MBD5: variants seen among roughly 807,000 people sequenced by gnomAD.
MBD5 encodes the protein methyl-CpG binding domain protein 5, also known as methyl-CpG-binding domain protein 5.
In MBD5, 13 loss-of-function variants were observed where a neutral mutation model predicts 117.3. The ratio of observed to expected loss-of-function variants is 0.11; its 90% CI spans 0.07 to 0.18. The LOEUF is 0.18. MBD5 is among the 10% of genes least tolerant of loss of function. The pLI, the probability that MBD5 is intolerant of heterozygous loss-of-function variation, is 1.00. For missense variants in MBD5, 1,879 were observed against 2,093.8 expected (o/e 0.90, Z 2.00); for synonymous variants, 727 against 766.4 (o/e 0.95, Z 0.85).
At chr2:148,087,874 GA>G (rs750713250) in intron 1 of MBD5, among the ~76,000 whole-genome samples, 13 of 152,134 alleles carry the variant, frequency 8.5e-5, no homozygotes, top group Non-Finnish European at 1.9e-4. Context: ...AGAAATCTCT[GA>G]ATTGCCAGAT....
chr2:148,454,327 G>A lies in MBD5; in HGVS notation c.-556-3876G>A, dbSNP rs2105505250. Among the ~76,000 whole-genome samples, 2 of 152,180 alleles carry A rather than the reference G, an allele frequency of 1.3e-5. 1 individual carries two copies. The highest frequency in any genetic ancestry group is 4.8e-5 in the African/African-American group (2 of 41,536). The stretch of plus-strand genomic sequence containing the variant: ...CATTAACATGATTGATATACCAATA[G>A]ATGAATAGTTGTATAATCATATGAT... On this transcript the variant is annotated intron_variant, in intron 4 of 13. Transcript: ENST00000642680.
At chr2:148,060,053 A>G (rs1694984257) in intron 1 of MBD5, among the ~76,000 whole-genome samples, 1 of 144,928 alleles carries the variant, frequency 6.9e-6, no homozygotes, top group Admixed American at 7.2e-5. Context: ...TAGGAGGCCG[A>G]AGCAGGTGGA....
chr2:148,203,619 C>T (rs1242615725), intron 2 of MBD5, among the ~76,000 whole-genome samples: 1 of 152,128 alleles, frequency 6.6e-6, no homozygotes, highest in African/African-American at 2.4e-5. Flanking sequence ...ATTATTGTTG[C>T]AATTTTGCAA....
chr2:148,023,790 T>A (rs1031380710), intron 1 of MBD5, among the ~76,000 whole-genome samples: 1 of 152,136 alleles, frequency 6.6e-6, no homozygotes, highest in African/African-American at 2.4e-5. Context: ...AACATTTTTT[T>A]ATCACACCCC....
At chr2:148,430,820 A>G (rs1428382735) in intron 4 of MBD5, among the ~76,000 whole-genome samples, 3 of 152,114 alleles carry the variant, frequency 2.0e-5, no homozygotes, top group Non-Finnish European at 4.4e-5. Flanking sequence ...CTCACTCACA[A>G]ACAATTAAGT....
intron 12 of MBD5, among the ~76,000 whole-genome samples, chr2:148,507,952 A>G (rs1460391563): frequency 7.2e-5 from 11 of 152,222 alleles, no homozygotes; most frequent in African/African-American, 2.7e-4. Context: ...ATCAAAATTT[A>G]TAATAAATAA....
intron 5 of MBD5, among the ~76,000 whole-genome samples, chr2:148,459,906 C>G (rs545133991): frequency 9.9e-5 from 15 of 152,160 alleles, no homozygotes; most frequent in African/African-American, 3.1e-4. Context: ...AATTTTACTT[C>G]TATAATATTA....
chr2:148,197,684 A>G (rs1212778873), intron 2 of MBD5, among the ~76,000 whole-genome samples: 1 of 151,606 alleles, frequency 6.6e-6, no homozygotes, highest in Non-Finnish European at 1.5e-5. Context: ...TTGAACATTT[A>G]GGTTACTTAT....
Position 148,469,723 on chromosome 2 carries a change from C to G in MBD5, c.1780C>G (p.Leu594Val), listed in dbSNP as rs749813763. Residue 594 changes from leucine (L) to valine (V), a missense_variant, in exon 8 of 14, where the codon CTT becomes GTT. This residue lies in a region of MBD5 where 1,666 missense variants were observed against 1,792.2 expected (regional missense o/e 0.93). Transcript: ENST00000642680. ...AGCACAGCTAGCAAATCAAAACAAA[C>G]TTGCTGGTAACAACAGTAGCAGCAG... ...AKAQLANQNK[L>V]AGNNSSSSSN... 10 of 1,613,950 alleles carry G rather than the reference C, an allele frequency of 6.2e-6. No individual in the cohort carries two copies. The East Asian group carries it at 2.0e-4, about 32-fold the overall frequency.
At chr2:148,486,321 T>A (rs760838827) in intron 10 of MBD5, among the ~76,000 whole-genome samples, 3 of 152,200 alleles carry the variant, frequency 2.0e-5, no homozygotes, top group Non-Finnish European at 4.4e-5. Context: ...CACATGGTAT[T>A]TCTTTAGTTC....
chr2:148,485,932 T>C lies in MBD5; in HGVS notation c.3735T>C (p.Cys1245=). Residue 1245 remains cysteine, a synonymous_variant, in exon 10 of 14, where the codon TGT becomes TGC. Transcript: ENST00000642680. ...CAGCTAACAATAACCCCATGGCTTGTCTGTTTCAGAACTTTCAGGTACTCT... is the reference window on the plus strand; with the variant it reads ...CAGCTAACAATAACCCCATGGCTTGCCTGTTTCAGAACTTTCAGGTACTCT... ...PCPANNNPMA[C]LFQNFQVRMQ... 6.2e-7 allele frequency: 1 copy of C among 1,614,088 alleles called. No homozygotes were observed. Among genetic ancestry groups the C allele is most frequent in the Admixed American group, 1.7e-5 (1 of 60,022 alleles).
rs1429556716 is a variant in MBD5, at chr2:148,458,445, C to G, written c.-314C>G. ...CTAAAAACTTTACACTCCCCACCCC[C>G]ACTTCAGACAGGTACCAGCATTGGT... On this transcript the variant is annotated 5_prime_UTR_variant, in exon 5 of 14. Coordinates refer to ENST00000642680, the MANE Select transcript of MBD5 (RefSeq NM_001378120.1). The G allele has an allele frequency of 1.2e-5, 7 of 562,854 alleles. No homozygotes were observed. Among genetic ancestry groups the G allele is most frequent in the African/African-American group, 7.5e-5 (4 of 53,420 alleles). The allele number at this position is 562,854 out of a possible 1,614,324, so 34.9% of individuals were successfully genotyped here. A position where few individuals can be genotyped will look rare whatever the true frequency, so the allele number is the denominator to read the frequency against.
chr2:148,459,581 A>G (rs1389586630), intron 5 of MBD5, among the ~76,000 whole-genome samples: 2 of 152,198 alleles, frequency 1.3e-5, no homozygotes, highest in Non-Finnish European at 2.9e-5. Context: ...AGAAGATACC[A>G]TAAATCTTTC....
intron 1 of MBD5, among the ~76,000 whole-genome samples, chr2:148,033,945 C>A (rs1694114458): frequency 6.6e-6 from 1 of 152,170 alleles, no homozygotes; most frequent in Non-Finnish European, 1.5e-5. Flanking sequence ...ATCTAGCAGG[C>A]TACTTTTAAT....
intron 8 of MBD5, among the ~76,000 whole-genome samples, chr2:148,478,233 CAT>C (rs1241817760): frequency 6.6e-6 from 1 of 152,212 alleles, no homozygotes; most frequent in Non-Finnish European, 1.5e-5. Flanking sequence ...CATGTACACA[CAT>C]ATGCATATAC....
At chr2:148,425,294 A>T (rs1341910982) in intron 4 of MBD5, among the ~76,000 whole-genome samples, 1 of 152,174 alleles carries the variant, frequency 6.6e-6, no homozygotes. Context: ...AGAAGAAATG[A>T]ATAAATTCCT....
In MBD5 at chr2:148,114,728, A is replaced by G. The variant is rs139858595; in HGVS notation, c.-924-63972A>G. 5.9e-5 allele frequency among the ~76,000 whole-genome samples: 9 copies of G among 152,342 alleles called. No individual in the cohort carries two copies. In the East Asian group the frequency reaches 1.5e-3, roughly 26 times the overall value. On this transcript the variant is annotated intron_variant, in intron 1 of 13. Transcript: ENST00000642680. ...AAATAACATATTAGGAATTACCAGT[A>G]TAAACTGAAAGGAATACTTATGTAA...
At chr2:148,228,730 A>T (rs527720012) in intron 2 of MBD5, among the ~76,000 whole-genome samples, 3 of 152,056 alleles carry the variant, frequency 2.0e-5, no homozygotes, top group African/African-American at 7.2e-5. Context: ...CTGTGAATCC[A>T]TCTGGTCCTG....
chr2:148,131,829 T>C (rs898701316), intron 1 of MBD5, among the ~76,000 whole-genome samples: 4 of 152,146 alleles, frequency 2.6e-5, no homozygotes, highest in African/African-American at 9.7e-5. Context: ...ATCTTAAAAG[T>C]TTTTAATTCC....
Sources: allele counts gnomAD v4.1 joint callset (sites outside exome capture counted in the v4.1 genomes callset), GRCh38; gene constraint gnomAD v4.1.1; regional missense constraint gnomAD v4.1.1; transcripts MANE v1.5; gene names NCBI Gene and HGNC (gene_info 2026-07-23, HGNC 2026-07-21).